Variants in ATP2C1 observed in about 807,000 individuals in gnomAD.
The protein encoded by ATP2C1 is ATPase secretory pathway Ca2+ transporting 1, also known as calcium-transporting ATPase type 2C member 1.
A neutral mutation model predicts 120.5 loss-of-function variants in ATP2C1; 31 were observed. That is an observed-to-expected ratio of 0.26 (90% CI 0.19 to 0.35). The LOEUF is 0.35. Ranked by LOEUF, ATP2C1 falls within the 10% of genes least tolerant of loss-of-function variation. The pLI is 1.00. For synonymous variants in ATP2C1, 351 were observed against 358.7 expected (o/e 0.98, Z 0.24); for missense variants, 731 against 1,107.5 (o/e 0.66, Z 4.83).
intron 25 of ATP2C1, 144 bp downstream of exon 25, chr3:130,997,897 T>C (rs989863376): frequency 1.5e-5 from 12 of 810,690 alleles, no homozygotes; most frequent in Non-Finnish European, 2.2e-5. Context: ...TAAAAGAGTT[T>C]GATTTCCATC....
intron 27 of ATP2C1, 22 bp downstream of exon 27, chr3:130,999,681 T>C (rs1292615204): frequency 1.3e-6 from 2 of 1,594,172 alleles, no homozygotes; most frequent in African/African-American, 1.3e-5. Flanking sequence ...GTTATCTTTA[T>C]CATTTATGTA....
chr3:130,913,704 ATTC>A (rs919077578), intron 2 of ATP2C1, among the ~76,000 whole-genome samples: 9 of 152,184 alleles, frequency 5.9e-5, no homozygotes, highest in African/African-American at 1.9e-4. Flanking sequence ...AGAAGCCTGT[ATTC>A]TTAGATCTTA....
At chr3:130,967,058 C>A in intron 14 of ATP2C1, 87 bp from the exon 15 acceptor site, 1 of 904,074 alleles carries the variant, frequency 1.1e-6, no homozygotes, top group Non-Finnish European at 1.9e-6. Flanking sequence ...ATGAACAGAA[C>A]TCATTATAGT....
At chr3:130,958,727 T>C (rs1041340957) in intron 11 of ATP2C1, among the ~76,000 whole-genome samples, 3 of 152,126 alleles carry the variant, frequency 2.0e-5, no homozygotes, top group Non-Finnish European at 4.4e-5. Context: ...GCCATAAAAG[T>C]AGTGATTTTT....
chr3:130,958,720 A>G (rs2060687946), intron 11 of ATP2C1, among the ~76,000 whole-genome samples: 2 of 152,186 alleles, frequency 1.3e-5, no homozygotes, highest in Non-Finnish European at 2.9e-5. Context: ...TTGAAATGCC[A>G]TAAAAGTAGT....
intron 1 of ATP2C1, among the ~76,000 whole-genome samples, chr3:130,876,457 G>C (rs1225007474): frequency 1.3e-5 from 2 of 151,884 alleles, no homozygotes; most frequent in African/African-American, 2.4e-5. Flanking sequence ...TTCATTTCTA[G>C]GTCCTCTATT....
intron 23 of ATP2C1, 56 bp from the exon 24 acceptor site, chr3:130,996,624 A>G (rs1255063592): frequency 3.4e-6 from 4 of 1,177,248 alleles, no homozygotes; most frequent in Non-Finnish European, 5.1e-6. Context: ...AAGTGGTATC[A>G]TAGAATCAAC....
chr3:130,996,419 A>C, intron 23 of ATP2C1: 1 of 581,352 alleles, frequency 1.7e-6, no homozygotes, highest in Non-Finnish European at 3.0e-6. Context: ...GTGTAGTCAA[A>C]GAACAGTTAC....
In ATP2C1 at chr3:130,973,512, G is replaced by A. The variant is rs181160530; in HGVS notation, c.1414-1820G>A. 5.2e-3 allele frequency among the ~76,000 whole-genome samples: 794 copies of A among 152,078 alleles called. 5 individuals are homozygous for A. The highest frequency in any genetic ancestry group is 0.024 in the Middle Eastern group (7 of 294). On this transcript the variant is annotated intron_variant, in intron 17 of 27. Transcript: ENST00000510168. ...ATATATACCGTGTTTTTTTCGATCC[G>A]GTAACATAGATGGCTACTAAGTGAT...
intron 1 of ATP2C1, among the ~76,000 whole-genome samples, chr3:130,867,596 A>G (rs535507194): frequency 0.014 from 2,154 of 150,714 alleles, 50 homozygotes; most frequent in African/African-American, 0.05. Context: ...TCAGTGCTCA[A>G]TGGTGCCCAG....
intron 3 of ATP2C1, 28 bp from the exon 4 acceptor site, chr3:130,931,994 A>T (rs776836937): frequency 7.2e-7 from 1 of 1,394,678 alleles, no homozygotes; most frequent in South Asian, 1.2e-5. Context: ...TAACATTTTC[A>T]ATAACTTTCA....
At chr3:130,858,687 A>G (rs1000555942) in intron 1 of ATP2C1, among the ~76,000 whole-genome samples, 16 of 152,194 alleles carry the variant, frequency 1.1e-4, no homozygotes, top group African/African-American at 3.9e-4. Flanking sequence ...AATGAATTCT[A>G]TCTTGAGACT....
rs2062960676 is a variant in ATP2C1 at position 131,002,956 on chromosome 3, A to G, written c.*1606A>G. On this transcript the variant is annotated 3_prime_UTR_variant, in exon 28 of 28. Transcript: ENST00000510168. ...AAGCCATTGTCTAATCAACTCTATC[A>G]TTAGTGACTTGATGTCTCATACCTT... 2 of 985,694 alleles carry G rather than the reference A, an allele frequency of 2.0e-6. No homozygotes were observed. Among genetic ancestry groups the G allele is most frequent in the Non-Finnish European group, 1.2e-6 (1 of 829,882 alleles). The allele number at this position is 985,694 out of a possible 1,614,324, so 61.1% of individuals were successfully genotyped here.
chr3:130,908,421 A>G (rs2058240387), intron 2 of ATP2C1, among the ~76,000 whole-genome samples: 1 of 152,020 alleles, frequency 6.6e-6, no homozygotes, highest in South Asian at 2.1e-4. Context: ...ATGGAGTCCA[A>G]GATGTATTGA....
intron 14 of ATP2C1, among the ~76,000 whole-genome samples, chr3:130,965,463 A>G (rs1480498312): frequency 1.3e-5 from 2 of 152,028 alleles, no homozygotes; most frequent in Non-Finnish European, 2.9e-5. Context: ...TTTAGAACCA[A>G]ATTTTAAGCA....
chr3:130,957,764 GCTGGTCTCAAACT>G (rs1366719162), intron 11 of ATP2C1, among the ~76,000 whole-genome samples: 1 of 152,080 alleles, frequency 6.6e-6, no homozygotes, highest in Non-Finnish European at 1.5e-5. Flanking sequence ...CATTGGCCAG[GCTGGTCTCAAACT>G]CCTGAACTCA....
chr3:130,867,463 T>G (rs2068221698), intron 1 of ATP2C1, among the ~76,000 whole-genome samples: 1 of 145,880 alleles, frequency 6.9e-6, no homozygotes, highest in Non-Finnish European at 1.5e-5. Flanking sequence ...CTGGTTTTCG[T>G]TTTTTTTTGG....
chr3:130,918,688 T>C (rs1029801253), intron 2 of ATP2C1: 5 of 491,770 alleles, frequency 1.0e-5, no homozygotes, highest in Non-Finnish European at 1.9e-5. Context: ...CTGCAAATCA[T>C]GCATAGAAAG....
At position 130,934,660 on chromosome 3, in the gene ATP2C1, A is replaced by G. The variant is rs2059591023; in HGVS notation, c.273A>G (p.Ala91=). 6.2e-7 allele frequency: 1 copy of G among 1,613,504 alleles called. No homozygotes were observed. The highest frequency in any genetic ancestry group is 1.7e-5 in the Admixed American group (1 of 59,982). ...TTATTATGCTGCTTCTGGCTTCTGC[A>G]GTCATCAGTGTTTTAATGCATCAGT... is the stretch of plus-strand genomic sequence containing the variant. ...NPLIMLLLAS[A]VISVLMHQFD... is the part of the protein sequence containing the mutation. The change falls in exon 5 of 28, where the codon GCA becomes GCG. Residue 91 remains alanine, a synonymous_variant. Transcript: ENST00000510168.
Sources: allele counts gnomAD v4.1 joint callset (sites outside exome capture counted in the v4.1 genomes callset), GRCh38; gene constraint gnomAD v4.1.1; transcripts MANE v1.5; gene names NCBI Gene and HGNC (gene_info 2026-07-23, HGNC 2026-07-21).